TENT5D: variants seen among roughly 807,000 people sequenced by gnomAD.
TENT5D encodes terminal nucleotidyltransferase 5D.
For synonymous variants in TENT5D, 103 were observed against 100.6 expected (o/e 1.02, Z -0.15); for missense variants, 191 against 287.0 (o/e 0.67, Z 2.42).
intron 1 of TENT5D, among the ~76,000 whole-genome samples, chrX:80,427,952 T>C (rs1466255434): frequency 1.8e-5 from 2 of 112,131 alleles, no homozygotes; most frequent in African/African-American, 6.5e-5. Flanking sequence ...AAAAAACGTT[T>C]TCCAGAAAAA....
In TENT5D at chrX:80,370,445, T is replaced by G. The variant is rs1000594726; in HGVS notation, c.-142+27881T>G. Among the ~76,000 whole-genome samples the G allele has an allele frequency of 4.5e-5, 5 of 112,173 alleles. 1 individual carries two copies. Among genetic ancestry groups the G allele is most frequent in the Admixed American group, 3.8e-4 (4 of 10,485 alleles). On this transcript the variant is annotated intron_variant, in intron 3 of 4. Transcript: ENST00000538312. ...AGTCTTTAAAAATCACCACAAGATA[T>G]ACAATTTATATTTTTCCCAATAGTT...
chrX:80,397,898 C>G (rs957683134), intron 3 of TENT5D, among the ~76,000 whole-genome samples: 2 of 111,407 alleles, frequency 1.8e-5, no homozygotes, highest in Non-Finnish European at 3.8e-5. Context: ...AGCTTCGGCT[C>G]GGCATCAGAG....
intron 3 of TENT5D, among the ~76,000 whole-genome samples, chrX:80,369,117 C>T (rs971522511): frequency 9.0e-6 from 1 of 111,573 alleles, no homozygotes; most frequent in African/African-American, 3.3e-5. Context: ...CTGCAGTTAT[C>T]CAGTGATATC....
chrX:80,430,408 G>A (rs1222715833), intron 1 of TENT5D, among the ~76,000 whole-genome samples: 2 of 111,294 alleles, frequency 1.8e-5, no homozygotes. Flanking sequence ...GAAAGGTAGG[G>A]CATTTAGAAG....
chrX:80,429,847 A>C (rs964164195), intron 1 of TENT5D, among the ~76,000 whole-genome samples: 3 of 111,528 alleles, frequency 2.7e-5, no homozygotes, highest in Non-Finnish European at 5.6e-5. Context: ...CCTCAATTGA[A>C]TTACGAGATA....
intron 3 of TENT5D, among the ~76,000 whole-genome samples, chrX:80,380,890 G>T (rs760918708): frequency 9.0e-6 from 1 of 111,536 alleles, no homozygotes; most frequent in South Asian, 3.8e-4. Context: ...ACAGCACACT[G>T]ATGGGTCTTG....
intron 3 of TENT5D, among the ~76,000 whole-genome samples, chrX:80,394,638 C>T (rs1931207847): frequency 9.0e-6 from 1 of 110,696 alleles, no homozygotes; most frequent in African/African-American, 3.3e-5. Flanking sequence ...AAGTGATCCA[C>T]CCACCTCAGC....
At chrX:80,409,397 A>G (rs1235329662) in intron 3 of TENT5D, among the ~76,000 whole-genome samples, 1 of 111,480 alleles carries the variant, frequency 9.0e-6, no homozygotes, top group African/African-American at 3.3e-5. Flanking sequence ...CAACTTCAGC[A>G]AAGTCTCAGG....
intron 3 of TENT5D, among the ~76,000 whole-genome samples, chrX:80,352,826 C>T (rs973374713): frequency 2.7e-5 from 3 of 109,395 alleles, no homozygotes; most frequent in African/African-American, 1.0e-4. Context: ...GGTAGAGGCA[C>T]ACGAAGGAAT....
At chrX:80,433,646 G>A (rs1932129139) in intron 1 of TENT5D, among the ~76,000 whole-genome samples, 1 of 111,695 alleles carries the variant, frequency 9.0e-6, no homozygotes, top group African/African-American at 3.3e-5. Context: ...TTTTCTCTTC[G>A]TGTTTATAGG....
intron 1 of TENT5D, among the ~76,000 whole-genome samples, chrX:80,433,600 C>G (rs1451380355): frequency 9.0e-6 from 1 of 111,660 alleles, no homozygotes; most frequent in Non-Finnish European, 1.9e-5. Context: ...GAGCACCAAG[C>G]TTTTAAATTG....
At chrX:80,349,166 G>A (rs1376954280) in intron 3 of TENT5D, among the ~76,000 whole-genome samples, 1 of 112,121 alleles carries the variant, frequency 8.9e-6, no homozygotes, top group African/African-American at 3.2e-5. Context: ...GATGATGCTG[G>A]CCTCATAAAA....
chrX:80,418,306 T>C (rs1931816688), upstream of TENT5D, among the ~76,000 whole-genome samples: 1 of 110,760 alleles, frequency 9.0e-6, no homozygotes. Flanking sequence ...CATGCCACCA[T>C]GCCCAACTAA....
chrX:80,407,124 C>T (rs1434566224), intron 3 of TENT5D, among the ~76,000 whole-genome samples: 41 of 108,319 alleles, frequency 3.8e-4, no homozygotes, highest in African/African-American at 1.2e-3. Context: ...ATGGAACAAC[C>T]GGTACCAGCC....
upstream of TENT5D, among the ~76,000 whole-genome samples, chrX:80,416,654 A>G (rs781238136): frequency 9.1e-6 from 1 of 109,968 alleles, no homozygotes; most frequent in Non-Finnish European, 1.9e-5. Flanking sequence ...TGTGGTCTGA[A>G]CATGTGGTTG....
At chrX:80,392,806 G>C (rs898204017) in intron 3 of TENT5D, among the ~76,000 whole-genome samples, 1 of 110,252 alleles carries the variant, frequency 9.1e-6, no homozygotes, top group African/African-American at 3.3e-5. Flanking sequence ...GTGAGCCACC[G>C]CGCCCGGCCA....
chrX:80,355,649 A>G (rs1930267821), intron 3 of TENT5D, among the ~76,000 whole-genome samples: 1 of 111,443 alleles, frequency 9.0e-6, no homozygotes, highest in Non-Finnish European at 1.9e-5. Context: ...GAGCCATTCT[A>G]TTCCCTTTTC....
intron 3 of TENT5D, among the ~76,000 whole-genome samples, chrX:80,355,202 G>T (rs1045280206): frequency 6.3e-5 from 7 of 111,926 alleles, no homozygotes; most frequent in Non-Finnish European, 1.3e-4. Context: ...GGTTCCGCCT[G>T]CAAAAGCACT....
chrX:80,365,382 A>G (rs1197942089), intron 3 of TENT5D, among the ~76,000 whole-genome samples: 1 of 111,799 alleles, frequency 8.9e-6, no homozygotes, highest in African/African-American at 3.2e-5. Flanking sequence ...ATACAGAGTA[A>G]GTATTCTGCT....
Sources: gnomAD v4.1 joint callset for allele counts (sites outside exome capture counted in the v4.1 genomes callset) on GRCh38, gnomAD v4.1.1 for gene constraint, MANE v1.5 for transcripts, NCBI Gene and HGNC (gene_info 2026-07-23, HGNC 2026-07-21) for gene names.